CDH18: variants seen among roughly 807,000 people sequenced by gnomAD.
CDH18 encodes cadherin-18.
Under a neutral mutation model 67.9 loss-of-function variants are expected in CDH18, and 31 were observed. That is an observed-to-expected ratio of 0.46 (90% CI 0.34 to 0.62). The LOEUF is 0.62. Among genes scored for constraint, CDH18 ranks in the 20% least tolerant of loss-of-function variants. The pLI is 0.01. For missense variants in CDH18, 890 were observed against 975.5 expected (o/e 0.91, Z 1.17); for synonymous variants, 362 against 347.2 (o/e 1.04, Z -0.48).
At position 19,699,720 on chromosome 5, in the gene CDH18, A is replaced by G. The variant is rs551124150; in HGVS notation, c.643+21627T>C. On this transcript the variant is annotated intron_variant, in intron 5 of 12. Transcript: ENST00000382275. ...GTGAGGACATAGCAAGAAAGTAGTCATCTATAAATCAGGAGGAGATTCCTC... is the reference window on the plus strand; with the variant it reads ...GTGAGGACATAGCAAGAAAGTAGTCGTCTATAAATCAGGAGGAGATTCCTC... Among the ~76,000 whole-genome samples, 67 of 151,882 alleles carry G rather than the reference A, an allele frequency of 4.4e-4. 1 individual carries two copies. The Middle Eastern group carries it at 0.01, about 23-fold the overall frequency.
chr5:20,189,917 C>T (rs1378145763), intron 2 of CDH18, among the ~76,000 whole-genome samples: 1 of 152,124 alleles, frequency 6.6e-6, no homozygotes, highest in Non-Finnish European at 1.5e-5. Context: ...TTCTCAACAT[C>T]CCCTTACCCT....
At chr5:19,666,328 G>A (rs1393407454) in intron 5 of CDH18, among the ~76,000 whole-genome samples, 1 of 150,208 alleles carries the variant, frequency 6.7e-6, no homozygotes, top group African/African-American at 2.4e-5. Flanking sequence ...GGCTGGTCTT[G>A]AAGCCCTGGG....
intron 2 of CDH18, among the ~76,000 whole-genome samples, chr5:20,226,202 C>CA (rs1221447240): frequency 4.0e-5 from 6 of 151,292 alleles, no homozygotes; most frequent in Admixed American, 1.3e-4. Flanking sequence ...CTTCAGAAAG[C>CA]AAAAAAAATC....
chr5:19,767,246 A>G (rs1409943997), intron 3 of CDH18, among the ~76,000 whole-genome samples: 2 of 152,050 alleles, frequency 1.3e-5, no homozygotes, highest in Non-Finnish European at 2.9e-5. Flanking sequence ...AAGCAAAAAT[A>G]ATAACATTAT....
In CDH18 at chr5:20,257,020, C is replaced by T. The variant is rs888638978; in HGVS notation, c.-579-1515G>A. On this transcript the variant is annotated intron_variant, in intron 1 of 14. Transcript: ENST00000507958. ...TCTATCTATCTATCATCATCATCCT[C>T]TATCTACTTATCAGGGCAAAACTTT... Among the ~76,000 whole-genome samples the T allele has an allele frequency of 1.4e-4, 22 of 151,836 alleles. No homozygotes were observed. The Middle Eastern group carries it at 0.01, about 70-fold the overall frequency.
At chr5:20,543,216 T>C (rs1508552) in intron 1 of CDH18, among the ~76,000 whole-genome samples, 2 of 151,822 alleles carry the variant, frequency 1.3e-5, no homozygotes, top group African/African-American at 4.8e-5. Context: ...TGCTATTTAA[T>C]AATTATATTT....
At chr5:20,001,721 T>C (rs1227720491) in intron 2 of CDH18, among the ~76,000 whole-genome samples, 2 of 152,132 alleles carry the variant, frequency 1.3e-5, no homozygotes, top group African/African-American at 2.4e-5. Flanking sequence ...TCTCTGCGGG[T>C]CTCTTGCGTT....
intron 5 of CDH18, among the ~76,000 whole-genome samples, chr5:19,625,859 C>A (rs1473510170): frequency 6.6e-6 from 1 of 152,080 alleles, no homozygotes; most frequent in African/African-American, 2.4e-5. Context: ...GGGATTCAAA[C>A]AACGAGGCAG....
intron 2 of CDH18, among the ~76,000 whole-genome samples, chr5:20,093,356 C>CTTT (rs35736724): frequency 6.8e-6 from 1 of 148,132 alleles, no homozygotes; most frequent in Non-Finnish European, 1.5e-5. Flanking sequence ...CTCCTGTATT[C>CTTT]TTTTTTTTTT....
intron 7 of CDH18, among the ~76,000 whole-genome samples, chr5:19,589,568 A>AG (rs1421235777): frequency 6.6e-6 from 1 of 152,112 alleles, no homozygotes; most frequent in Non-Finnish European, 1.5e-5. Flanking sequence ...AAAAAATGCT[A>AG]GATGTTGGGA....
At chr5:20,068,151 C>T (rs1341489368) in intron 2 of CDH18, among the ~76,000 whole-genome samples, 1 of 152,050 alleles carries the variant, frequency 6.6e-6, no homozygotes, top group South Asian at 2.1e-4. Context: ...AGAAAAGCTG[C>T]CATGAAATTA....
At chr5:20,444,638 T>A (rs1313399801) in intron 1 of CDH18, among the ~76,000 whole-genome samples, 1 of 152,232 alleles carries the variant, frequency 6.6e-6, no homozygotes, top group South Asian at 2.1e-4. Context: ...TATTTGTAAT[T>A]AGCACTGAGG....
intron 3 of CDH18, among the ~76,000 whole-genome samples, chr5:19,788,160 T>C (rs1776010437): frequency 6.6e-6 from 1 of 152,108 alleles, no homozygotes; most frequent in Admixed American, 6.6e-5. Flanking sequence ...TATTTGCAAA[T>C]CCTCAAATGT....
At chr5:19,561,647 C>T (rs1739470524) in intron 8 of CDH18, among the ~76,000 whole-genome samples, 1 of 152,054 alleles carries the variant, frequency 6.6e-6, no homozygotes, top group Admixed American at 6.6e-5. Flanking sequence ...CCCCAAAAAC[C>T]TATTGAATTT....
At chr5:19,930,323 C>T (rs1330271463) in intron 2 of CDH18, among the ~76,000 whole-genome samples, 1 of 151,370 alleles carries the variant, frequency 6.6e-6, no homozygotes, top group East Asian at 1.9e-4. Context: ...AAATGGAGAG[C>T]GAGCAAGGAG....
chr5:20,098,307 G>A (rs914198876), intron 2 of CDH18, among the ~76,000 whole-genome samples: 3 of 151,874 alleles, frequency 2.0e-5, no homozygotes, highest in Non-Finnish European at 4.4e-5. Flanking sequence ...ATGTTTAAAT[G>A]ACAAATAAAA....
intron 1 of CDH18, among the ~76,000 whole-genome samples, chr5:20,466,535 G>A (rs1751644737): frequency 6.6e-6 from 1 of 152,136 alleles, no homozygotes; most frequent in Non-Finnish European, 1.5e-5. Context: ...AATACATATT[G>A]AATAAGAATG....
At chr5:19,860,540 T>C (rs1018655373) in intron 2 of CDH18, among the ~76,000 whole-genome samples, 1 of 151,834 alleles carries the variant, frequency 6.6e-6, no homozygotes, top group African/African-American at 2.4e-5. Flanking sequence ...CATTTTTATA[T>C]TGGTCTGACT....
At chr5:19,972,090 T>C (rs1798082316) in intron 2 of CDH18, among the ~76,000 whole-genome samples, 1 of 152,068 alleles carries the variant, frequency 6.6e-6, no homozygotes, top group Non-Finnish European at 1.5e-5. Context: ...GCGATATTCT[T>C]TTGGTGGTGG....
Sources: gnomAD v4.1 joint callset for allele counts (sites outside exome capture counted in the v4.1 genomes callset) on GRCh38, gnomAD v4.1.1 for gene constraint, MANE v1.5 for transcripts, NCBI Gene and HGNC (gene_info 2026-07-23, HGNC 2026-07-21) for gene names.